The following CAMKK1 variants were observed in gnomAD, a reference collection of about 807,000 sequenced individuals.
CAMKK1 encodes calcium/calmodulin-dependent protein kinase kinase 1.
CAMKK1 carries 20 observed loss-of-function variants against 63.5 expected under a neutral mutation model. The ratio of observed to expected loss-of-function variants is 0.32; its 90% CI spans 0.22 to 0.46. CAMKK1 has a LOEUF of 0.46. CAMKK1 is among the 20% of genes least tolerant of loss of function. The pLI, the probability that CAMKK1 is intolerant of heterozygous loss-of-function variation, is 1.00. For missense variants in CAMKK1, 588 were observed against 658.1 expected (o/e 0.89, Z 1.17); for synonymous variants, 253 against 269.0 (o/e 0.94, Z 0.58).
chr17:3,860,324 T>C lies in CAMKK1; in HGVS notation c.*1887A>G, dbSNP rs1384726015. ...AATGTACGCACAAACCTTTTTTTTT[T>C]CTTTTTAACTCAAGAAAGGGCTTTT... On this transcript the variant is annotated 3_prime_UTR_variant, in exon 16 of 16. Coordinates refer to ENST00000348335, the MANE Select transcript of CAMKK1 (RefSeq NM_032294.3). The C allele has an allele frequency of 1.3e-5, 2 of 152,670 alleles. No homozygotes were observed. The highest frequency in any genetic ancestry group is 1.5e-5 in the Non-Finnish European group (1 of 68,042). The allele number at this position is 152,670 out of a possible 1,614,324, so 9.5% of individuals were successfully genotyped here.
In CAMKK1 at chr17:3,889,981, T is replaced by G. The variant is rs944061308; in HGVS notation, c.-44+2958A>C. Reference sequence around the variant, plus strand: ...GCTGGAAGGCCGCTGTGAACCCCAGTGCCAAGCCGAGGCAGGGGACCAGCT... The same window carrying G: ...GCTGGAAGGCCGCTGTGAACCCCAGGGCCAAGCCGAGGCAGGGGACCAGCT... On this transcript the variant is annotated intron_variant, in intron 1 of 15. Coordinates refer to ENST00000348335, the MANE Select transcript of CAMKK1 (RefSeq NM_032294.3). This position sits in a 1 kb window ranked among gnomAD's most constrained non-coding sequence, Gnocchi z 5.2. Among the ~76,000 whole-genome samples the G allele has an allele frequency of 1.3e-5, 2 of 152,152 alleles. No individual in the cohort carries two copies. Among genetic ancestry groups the G allele is most frequent in the African/African-American group, 4.8e-5 (2 of 41,424 alleles).
In CAMKK1 at chr17:3,862,195, G is replaced by T; in HGVS notation, c.*16C>A. ...GATGAGTGTGCTGCCGGGTGGCCCT[G>T]GGTGCATGCAGGGGCTCAGGATGCA... On this transcript the variant is annotated 3_prime_UTR_variant, in exon 16 of 16. Transcript: ENST00000348335. The surrounding 1 kb of genome is among the most constrained non-coding windows in gnomAD (Gnocchi z 4.1). 6.4e-7 allele frequency: 1 copy of T among 1,573,528 alleles called. No individual in the cohort carries two copies. The highest frequency in any genetic ancestry group is 1.8e-5 in the Admixed American group (1 of 54,822).
At chr17:3,886,660 G>A (rs1426842389) in intron 1 of CAMKK1, among the ~76,000 whole-genome samples, 3 of 152,044 alleles carry the variant, frequency 2.0e-5, no homozygotes, top group Admixed American at 6.5e-5. Context: ...GAGAATGAGG[G>A]GAATGAGGGG....
Position 3,861,980 on chromosome 17 carries a change from A to G in CAMKK1, c.*231T>C, listed in dbSNP as rs1182796165. 1.7e-6 allele frequency: 1 copy of G among 576,294 alleles called. No homozygotes were observed. Among genetic ancestry groups the G allele is most frequent in the African/African-American group, 1.9e-5 (1 of 53,264 alleles). 35.7% of individuals were successfully genotyped at this position (576,294 alleles called of 1,614,324 possible). ...ATGGGTCAGGCCAAGGAGGTCCAAG[A>G]AGAGGAGGATGGCCTCGTGGGAGCC... On this transcript the variant is annotated 3_prime_UTR_variant, in exon 16 of 16. Coordinates refer to ENST00000348335, the MANE Select transcript of CAMKK1 (RefSeq NM_032294.3).
rs2143908288 is a variant in CAMKK1 at position 3,889,733 on chromosome 17, C to T, written c.-44+3206G>A. On this transcript the variant is annotated intron_variant, in intron 1 of 15. Transcript: ENST00000348335. The surrounding 1 kb of genome is among the most constrained non-coding windows in gnomAD (Gnocchi z 5.2). ...GCACATATCCCCCACCCAGGTTTTT[C>T]CTCCCAGGCTGTGCCCCACCCCCCA... Among the ~76,000 whole-genome samples the T allele has an allele frequency of 6.6e-6, 1 of 152,168 alleles. No individual in the cohort carries two copies. Among genetic ancestry groups the T allele is most frequent in the East Asian group, 1.9e-4 (1 of 5,172 alleles).
Position 3,884,083 on chromosome 17 carries a change from GCAGATGGGGAGGGGACTCCT to G in CAMKK1, c.409-166_409-147del. Reference sequence around the variant, plus strand: ...AGCTGGCTCACGGGCAAATATTGTAGCAGATGGGGAGGGGACTCCTGCGCCCTGGTAACTGCCCCTGCTTG... The same window carrying G: ...AGCTGGCTCACGGGCAAATATTGTAGGCGCCCTGGTAACTGCCCCTGCTTG... On this transcript the variant is annotated intron_variant, in intron 3 of 15. Coordinates refer to ENST00000348335, the MANE Select transcript of CAMKK1 (RefSeq NM_032294.3). This position sits in a 1 kb window ranked among gnomAD's most constrained non-coding sequence, Gnocchi z 4.5. 1 of 829,638 alleles carries G rather than the reference GCAGATGGGGAGGGGACTCCT, an allele frequency of 1.2e-6. No individual in the cohort carries two copies. Among genetic ancestry groups the G allele is most frequent in the South Asian group, 1.5e-5 (1 of 67,230 alleles). The allele number at this position is 829,638 out of a possible 1,614,324, so 51.4% of individuals were successfully genotyped here. A position where few individuals can be genotyped will look rare whatever the true frequency, so the allele number is the denominator to read the frequency against.
rs138426918 is a variant in CAMKK1, at chr17:3,867,687, C to T, written c.1342-1676G>A. On this transcript the variant is annotated intron_variant, in intron 14 of 15. Coordinates refer to ENST00000348335, the MANE Select transcript of CAMKK1 (RefSeq NM_032294.3). ...GCATAGGGGGCAGGGATTGAGCCAG[C>T]TGGTCCCAGCTGGGCCGGGACCCTG... Among the ~76,000 whole-genome samples the T allele has an allele frequency of 4.3e-3, 662 of 152,214 alleles. 3 individuals carry two copies. Among genetic ancestry groups the T allele is most frequent in the Non-Finnish European group, 6.6e-3 (452 of 68,002 alleles).
In CAMKK1 at chr17:3,862,314, C is replaced by T. The variant is rs906292071; in HGVS notation, c.1446-31G>A. 2 of 1,533,172 alleles carry T rather than the reference C, an allele frequency of 1.3e-6. No individual in the cohort carries two copies. Among genetic ancestry groups the T allele is most frequent in the East Asian group, 2.4e-5 (1 of 41,580 alleles). The allele number at this position is 1,533,172 out of a possible 1,614,324, so 95.0% of individuals were successfully genotyped here. On this transcript the variant is annotated intron_variant, in intron 15 of 15. Transcript: ENST00000348335. This position sits in a 1 kb window ranked among gnomAD's most constrained non-coding sequence, Gnocchi z 4.1. ...CAGGGGACACCAGGGACAGAGGGAC[C>T]TCAGGGTCAGAATATGCACTCAGGG...
chr17:3,887,022 C>T lies in CAMKK1; in HGVS notation c.-43-1292G>A, dbSNP rs779331717. On this transcript the variant is annotated intron_variant, in intron 1 of 15. Coordinates refer to ENST00000348335, the MANE Select transcript of CAMKK1 (RefSeq NM_032294.3). The surrounding 1 kb of genome is among the most constrained non-coding windows in gnomAD (Gnocchi z 6.1). ...ATGGGTCTCAGGGAGACCCAGAGTACGCATGGTGAAGCGCCTGCTCTACCG... is the reference window on the plus strand; with the variant it reads ...ATGGGTCTCAGGGAGACCCAGAGTATGCATGGTGAAGCGCCTGCTCTACCG... Among the ~76,000 whole-genome samples, 4 of 152,106 alleles carry T rather than the reference C, an allele frequency of 2.6e-5. No individual in the cohort carries two copies. The highest frequency in any genetic ancestry group is 9.7e-5 in the African/African-American group (4 of 41,398).
rs185633405 is a variant in CAMKK1 at position 3,879,703 on chromosome 17, T to C, written c.796+643A>G. On this transcript the variant is annotated intron_variant, in intron 9 of 15. Coordinates refer to ENST00000348335, the MANE Select transcript of CAMKK1 (RefSeq NM_032294.3). The surrounding 1 kb of genome is among the most constrained non-coding windows in gnomAD (Gnocchi z 4.5). The stretch of plus-strand genomic sequence containing the variant: ...CTCAGGACCCGAATCATAAGTAGCC[T>C]CTTCAGGGAGACTTCCCCAGCCCCC... 751 of 152,700 alleles carry C rather than the reference T, an allele frequency of 4.9e-3. 13 individuals carry two copies. The highest frequency in any genetic ancestry group is 0.034 in the Admixed American group (521 of 15,326). The allele number at this position is 152,700 out of a possible 1,614,324, so 9.5% of individuals were successfully genotyped here.
rs1423784706 is a variant in CAMKK1 at position 3,889,748 on chromosome 17, C to T, written c.-44+3191G>A. On this transcript the variant is annotated intron_variant, in intron 1 of 15. Transcript: ENST00000348335. The surrounding 1 kb of genome is among the most constrained non-coding windows in gnomAD (Gnocchi z 5.2). The stretch of plus-strand genomic sequence containing the variant: ...CCAGGTTTTTCCTCCCAGGCTGTGC[C>T]CCACCCCCCAAGCGTCTGGCCACTC... Among the ~76,000 whole-genome samples the T allele has an allele frequency of 2.0e-5, 3 of 152,242 alleles. No homozygotes were observed. Among genetic ancestry groups the T allele is most frequent in the South Asian group, 2.1e-4 (1 of 4,820 alleles).
In CAMKK1 at chr17:3,869,514, G is replaced by A. The variant is rs757436530; in HGVS notation, c.1314C>T (p.Val438=). 7 of 1,614,226 alleles carry A rather than the reference G, an allele frequency of 4.3e-6. No individual in the cohort carries two copies. The highest frequency in any genetic ancestry group is 5.9e-6 in the Non-Finnish European group (7 of 1,180,032). The change falls in exon 14 of 16, where the codon GTC becomes GTT. Residue 438 remains valine, a synonymous_variant. Transcript: ENST00000348335. ...EVTEEEVKNS[V]RLIPSWTTVI... is the part of the protein sequence containing the mutation. Reference sequence around the variant, plus strand: ...CCGTGGTCCAGCTGGGGATGAGCCTGACTGAGTTCTTAACCTCCTCCTCTG... The same window carrying A: ...CCGTGGTCCAGCTGGGGATGAGCCTAACTGAGTTCTTAACCTCCTCCTCTG...
rs765698609 is a variant in CAMKK1, at chr17:3,883,068, G to A, written c.622C>T (p.His208Tyr). Reference protein sequence around the residue: ...QEIAILKKLDHVNVVKLIEVL... With the variant: ...QEIAILKKLDYVNVVKLIEVL... ...TCGATCAGTTTGACCACATTCACGT[G>A]GTCCAGCTTCTTCAGGATGGCAATC... Residue 208 changes from histidine to tyrosine, a missense_variant, in exon 6 of 16, where the codon CAC (histidine) becomes TAC (tyrosine). By Grantham distance (83) the His-to-Tyr change is moderately conservative (BLOSUM62 2). This residue lies in a region of CAMKK1 where 357 missense variants were observed against 407.4 expected (regional missense o/e 0.88). Transcript: ENST00000348335. The surrounding 1 kb of genome is among the most constrained non-coding windows in gnomAD (Gnocchi z 4.7). 1 of 1,613,936 alleles carries A rather than the reference G, an allele frequency of 6.2e-7. No homozygotes were observed.
rs2054503441 is a variant in CAMKK1 at position 3,865,957 on chromosome 17, G to T, written c.1396C>A (p.Gln466Lys). 1 of 1,614,232 alleles carries T rather than the reference G, an allele frequency of 6.2e-7. No individual in the cohort carries two copies. The highest frequency in any genetic ancestry group is 8.5e-7 in the Non-Finnish European group (1 of 1,180,032). ...ATGGATCGCTCTTCCCTCCGTGCTT[G>T]GGGCTCAAACGGGTTCCCAAAGGAA... ...KRSFGNPFEP[Q>K]ARREERSMSA... The change falls in exon 15 of 16, where the codon CAA becomes AAA. Residue 466 changes from glutamine (Q) to lysine (K), a missense_variant. Gln to Lys is a moderately conservative substitution (Grantham distance 53). Transcript: ENST00000348335.
intron 1 of CAMKK1, among the ~76,000 whole-genome samples, chr17:3,885,947 G>A (rs908694420): frequency 6.6e-6 from 1 of 152,194 alleles, no homozygotes; most frequent in African/African-American, 2.4e-5. Flanking sequence ...TATCCCTGCC[G>A]GTAACAGAGG....
intron 10 of CAMKK1, among the ~76,000 whole-genome samples, chr17:3,874,410 C>A (rs187781392): frequency 6.6e-6 from 1 of 152,082 alleles, no homozygotes; most frequent in Non-Finnish European, 1.5e-5. Flanking sequence ...CTCACTCTGT[C>A]GCCCAGGCTA....
At chr17:3,881,153 A>G (rs2055394600) in intron 8 of CAMKK1, among the ~76,000 whole-genome samples, 1 of 152,206 alleles carries the variant, frequency 6.6e-6, no homozygotes, top group Admixed American at 6.5e-5. Context: ...CCTGGGCTCC[A>G]TCAGTGACTT....
At chr17:3,881,964 G>T (rs1041208030) in intron 7 of CAMKK1, 1 of 533,012 alleles carries the variant, frequency 1.9e-6, no homozygotes. Flanking sequence ...AGGCAGGTAG[G>T]GTAGGGAGTG....
In CAMKK1 at chr17:3,866,030, C is replaced by T. The variant is rs199988262; in HGVS notation, c.1342-19G>A. The T allele has an allele frequency of 6.4e-4, 1,034 of 1,612,354 alleles. 7 individuals carry two copies. In the African/African-American group the frequency reaches 0.011, roughly 17 times the overall value. On this transcript the variant is annotated intron_variant, in intron 14 of 15. Transcript: ENST00000348335. Reference sequence around the variant, plus strand: ...CCAGGATCTGAGGAGGACAAGGCAGCGTGAGGAGCACAGGTCCCAGGCTCC... The same window carrying T: ...CCAGGATCTGAGGAGGACAAGGCAGTGTGAGGAGCACAGGTCCCAGGCTCC...
Sources: gnomAD v4.1 joint callset for allele counts (sites outside exome capture counted in the v4.1 genomes callset) on GRCh38, gnomAD v4.1.1 for gene constraint, gnomAD v4.1.1 regional missense constraint, Gnocchi (gnomAD v3.1) non-coding constraint, MANE v1.5 for transcripts, NCBI Gene and HGNC (gene_info 2026-07-23, HGNC 2026-07-21) for gene names.